Variants in PLCD3 observed in about 807,000 individuals in gnomAD.
The protein encoded by PLCD3 is 1-phosphatidylinositol 4,5-bisphosphate phosphodiesterase delta-3.
A neutral mutation model predicts 82.8 loss-of-function variants in PLCD3; 62 were observed. The ratio of observed to expected loss-of-function variants is 0.75; its 90% confidence interval spans 0.61 to 0.93. The LOEUF (loss-of-function observed/expected upper bound fraction) is 0.93, where lower values mean the gene tolerates loss of function less well. PLCD3 is among the 40% of genes least tolerant of loss of function. The pLI, the probability that PLCD3 is intolerant of heterozygous loss-of-function variation, is 0.00. For missense variants in PLCD3, 1,023 were observed against 1,103.4 expected, an observed-to-expected ratio of 0.93 and a Z score of 1.03; for synonymous variants, 478 against 471.8, an observed-to-expected ratio of 1.01 and a Z score of -0.17.
At position 45,115,252 on chromosome 17, in the gene PLCD3, A is replaced by T; in HGVS notation, c.1561-8T>A. ...CGGGGAGATCTGCTTGGCCTAGGAG[A>T]CCAGGCTCAGCGGGGTTCAGCTGGC... is the stretch of plus-strand genomic sequence containing the variant. On this transcript the variant is annotated splice_region_variant and splice_polypyrimidine_tract_variant and intron_variant, in intron 9 of 14. Transcript: ENST00000619929. 1 of 1,552,396 alleles carries T rather than the reference A, an allele frequency of 6.4e-7. No individual in the cohort carries two copies.
At position 45,113,563 on chromosome 17, in the gene PLCD3, T is replaced by A; in HGVS notation, c.1871A>T (p.Asn624Ile). 1.3e-6 allele frequency: 2 copies of A among 1,559,970 alleles called. No individual in the cohort carries two copies. The highest frequency in any genetic ancestry group is 1.7e-6 in the Non-Finnish European group (2 of 1,152,002). ...FQTPGYEMDL[N>I]AGRFLVNGQC... Reference sequence around the variant, plus strand: ...CCCATTGACTAGGAAGCGCCCGGCATTGAGGTCCATCTCGTAGCCTGGCGT... The same window carrying A: ...CCCATTGACTAGGAAGCGCCCGGCAATGAGGTCCATCTCGTAGCCTGGCGT... Residue 624 changes from asparagine to isoleucine, a missense_variant, in exon 12 of 15, where the codon AAT becomes ATT. By Grantham distance (149) the Asn-to-Ile change is moderately radical. Transcript: ENST00000619929.
chr17:45,113,678 A>G (rs2054267684), intron 11 of PLCD3, 73 bp from the exon 12 acceptor site: 1 of 1,503,516 alleles, frequency 6.7e-7, no homozygotes, highest in African/African-American at 1.4e-5. Flanking sequence ...AGGGGACTGC[A>G]TTCCTCTCTA....
Position 45,118,974 on chromosome 17 carries a change from T to C in PLCD3, c.754A>G (p.Lys252Glu), listed in dbSNP as rs955877479. The C allele has an allele frequency of 8.7e-6, 14 of 1,611,858 alleles. No individual in the cohort carries two copies. The Admixed American group carries it at 1.5e-4, about 17-fold the overall frequency. The part of the protein sequence containing the change: ...EIEEFLRRLL[K>E]RPELEEIFHQ... ...AAGATCTCCTCCAGCTCCGGCCGCT[T>C]CAGCAGCCGCCGCAGGAACTCCTCG... Residue 252 changes from lysine to glutamate, a missense_variant, in exon 5 of 15, where the codon AAG becomes GAG. Lys to Glu is a moderately conservative substitution (Grantham distance 56). Around this residue, in one of 3 missense-constraint regions of PLCD3, gnomAD observed 448 missense variants for 406.3 expected, o/e 1.10. Transcript: ENST00000619929. The surrounding 1 kb of genome is among the most constrained non-coding windows in gnomAD (Gnocchi z 4.1).
At chr17:45,131,359 C>T (rs2054441957) in intron 1 of PLCD3, among the ~76,000 whole-genome samples, 1 of 152,198 alleles carries the variant, frequency 6.6e-6, no homozygotes, top group African/African-American at 2.4e-5. Context: ...ACTTCAGTGG[C>T]GCGGTCCTTT....
intron 1 of PLCD3, among the ~76,000 whole-genome samples, chr17:45,127,969 G>A (rs542987115): frequency 5.9e-5 from 9 of 152,302 alleles, no homozygotes; most frequent in Non-Finnish European, 8.8e-5. Context: ...CTGTGGCCAA[G>A]GCCGAGCAGG....
chr17:45,113,038 G>A (rs776419273), intron 13 of PLCD3, 26 bp from the exon 14 acceptor site: 7 of 1,601,428 alleles, frequency 4.4e-6, no homozygotes, highest in African/African-American at 1.3e-5. Flanking sequence ...GGCAGTCAGA[G>A]CCCAGGGGCC....
rs1296553341 is a variant in PLCD3, at chr17:45,120,306, G to A, written c.684+19C>T. On this transcript the variant is annotated intron_variant, in intron 4 of 14. Transcript: ENST00000619929. ...AGTGATGGCAGAGCCAGGGGCTGGG[G>A]TTCAGGGCGGAAGCCCACCTTGAAG... 2 of 1,613,806 alleles carry A rather than the reference G, an allele frequency of 1.2e-6. No homozygotes were observed. The highest frequency in any genetic ancestry group is 1.7e-6 in the Non-Finnish European group (2 of 1,179,768).
At chr17:45,127,107 G>A (rs1346767641) in intron 1 of PLCD3, among the ~76,000 whole-genome samples, 1 of 152,234 alleles carries the variant, frequency 6.6e-6, no homozygotes, top group Non-Finnish European at 1.5e-5. Flanking sequence ...CATGGAGCCT[G>A]GTTTAGGCCT....
chr17:45,126,788 A>T (rs1256491818), intron 1 of PLCD3, among the ~76,000 whole-genome samples: 1 of 151,790 alleles, frequency 6.6e-6, no homozygotes, highest in Admixed American at 6.6e-5. Context: ...CCTCCCGAGG[A>T]GCTGGGACTA....
intron 10 of PLCD3, chr17:45,114,578 C>T: frequency 1.9e-6 from 1 of 515,334 alleles, no homozygotes; most frequent in Non-Finnish European, 3.4e-6. Context: ...GCATCCCCAG[C>T]CCCCAATTCC....
At chr17:45,113,402 T>G in intron 12 of PLCD3, 37 bp downstream of exon 12, 1 of 1,570,358 alleles carries the variant, frequency 6.4e-7, no homozygotes, top group East Asian at 2.4e-5. Flanking sequence ...CTAGAACCAG[T>G]CTGACCCCAC....
intron 1 of PLCD3, among the ~76,000 whole-genome samples, chr17:45,129,744 G>C (rs761701596): frequency 1.4e-4 from 22 of 152,170 alleles, no homozygotes; most frequent in Non-Finnish European, 2.6e-4. Flanking sequence ...ATGATTCCCT[G>C]CAAGTCCGCA....
At chr17:45,126,613 T>C (rs183452090) in intron 1 of PLCD3, among the ~76,000 whole-genome samples, 43 of 151,676 alleles carry the variant, frequency 2.8e-4, no homozygotes, top group Non-Finnish European at 4.0e-4. Context: ...TATTTTACCA[T>C]AATTTTTAAA....
At chr17:45,116,498 G>T in intron 8 of PLCD3, 134 bp downstream of exon 8, 2 of 972,126 alleles carry the variant, frequency 2.1e-6, no homozygotes, top group Non-Finnish European at 2.9e-6. Context: ...GACCTCAGAT[G>T]AACAGAGGAA....
At position 45,118,807 on chromosome 17, in the gene PLCD3, C is replaced by A. The variant is rs752740502; in HGVS notation, c.913+8G>T. The A allele has an allele frequency of 1.9e-6, 3 of 1,597,158 alleles. No individual in the cohort carries two copies. In the Admixed American group the frequency reaches 5.0e-5, roughly 27 times the overall value. On this transcript the variant is annotated splice_region_variant and intron_variant, in intron 5 of 14. Coordinates refer to ENST00000619929, the MANE Select transcript of PLCD3 (RefSeq NM_133373.5). The surrounding 1 kb of genome is among the most constrained non-coding windows in gnomAD (Gnocchi z 4.1). ...GGTGCCACGACCTGGCCGTGCCACC[C>A]CCCCCACCTGTCTCGTTGAGCTCAT...
chr17:45,115,063 G>GC, intron 10 of PLCD3, 31 bp downstream of exon 10: 1 of 1,572,360 alleles, frequency 6.4e-7, no homozygotes, highest in Non-Finnish European at 8.6e-7. Flanking sequence ...TCACCCTCTC[G>GC]CCCCCAGACA....
At position 45,113,184 on chromosome 17, in the gene PLCD3, A is replaced by T; in HGVS notation, c.2069T>A (p.Ile690Asn). The T allele has an allele frequency of 6.2e-7, 1 of 1,612,512 alleles. No homozygotes were observed. The highest frequency in any genetic ancestry group is 2.2e-5 in the East Asian group (1 of 44,814). Reference protein sequence around the residue: ...PHSIVDPLVRIEIHGVPADCA... With the variant: ...PHSIVDPLVRNEIHGVPADCA... The stretch of plus-strand genomic sequence containing the variant: ...GTCTGCGGGCACCCCATGGATCTCA[A>T]TGCGCACCAGGGGGTCCACAATGGA... Residue 690 changes from isoleucine to asparagine, a missense_variant, in exon 13 of 15, where the codon ATT (isoleucine) becomes AAT (asparagine). This residue lies in a region of PLCD3 where 553 missense variants were observed against 655.7 expected (regional missense o/e 0.84). Transcript: ENST00000619929.
rs781396066 is a variant in PLCD3, at chr17:45,115,207, A to G, written c.1598T>C (p.Val533Ala). 9 of 1,579,668 alleles carry G rather than the reference A, an allele frequency of 5.7e-6. No individual in the cohort carries two copies. In the Admixed American group the frequency reaches 1.4e-4, roughly 25 times the overall value. The change falls in exon 10 of 15, where the codon GTG becomes GCG. Residue 533 changes from valine (V) to alanine (A), a missense_variant. Physicochemically the swap from Val to Ala is moderately conservative, Grantham distance 64. This residue lies in a region of PLCD3 where 553 missense variants were observed against 655.7 expected (regional missense o/e 0.84). Transcript: ENST00000619929. ...CCGCAGGCGGGTGGCGTGGCAGTAC[A>G]CAGCCAGGGCCGACAGCTCCGGGGA... ...QISPELSALA[V>A]YCHATRLRTL...
chr17:45,112,675 C>A lies in PLCD3; in HGVS notation c.2311G>T (p.Asp771Tyr). Reference protein sequence around the residue: ...GYRHIHLLSKDGASLSPATLF... With the variant: ...GYRHIHLLSKYGASLSPATLF... The stretch of plus-strand genomic sequence containing the variant: ...GTGGCTGGTGACAGTGAGGCCCCGT[C>A]CTTGGAAAGCAGGTGTATGTGGCGG... Residue 771 changes from aspartate (D) to tyrosine (Y), a missense_variant, in exon 15 of 15, where the codon GAC becomes TAC. Transcript: ENST00000619929. 1 of 1,606,834 alleles carries A rather than the reference C, an allele frequency of 6.2e-7. No individual in the cohort carries two copies. Among genetic ancestry groups the A allele is most frequent in the South Asian group, 1.1e-5 (1 of 89,226 alleles).
Sources: allele counts gnomAD v4.1 joint callset (sites outside exome capture counted in the v4.1 genomes callset), GRCh38; gene constraint gnomAD v4.1.1; regional missense constraint gnomAD v4.1.1; non-coding constraint Gnocchi (gnomAD v3.1); transcripts MANE v1.5; gene names NCBI Gene and HGNC (gene_info 2026-07-23, HGNC 2026-07-21).